The following TMEM132B variants were observed in gnomAD, a reference collection of about 807,000 sequenced individuals.
TMEM132B encodes the protein transmembrane protein 132B.
In TMEM132B, 18 loss-of-function variants were observed where a neutral mutation model predicts 90.8. The ratio of observed to expected loss-of-function variants is 0.20; its 90% confidence interval spans 0.14 to 0.29. The LOEUF is 0.29. Among genes scored for constraint, TMEM132B ranks in the 10% least tolerant of loss-of-function variants. TMEM132B has a pLI of 1.00. For synonymous variants in TMEM132B, 504 were observed against 523.3 expected (o/e 0.96, Z 0.50); for missense variants, 1,096 against 1,326.8 (o/e 0.83, Z 2.70).
chr12:125,468,953 G>T (rs1881642518), intron 3 of TMEM132B, among the ~76,000 whole-genome samples: 1 of 152,172 alleles, frequency 6.6e-6, no homozygotes, highest in Non-Finnish European at 1.5e-5. Flanking sequence ...TGCTGAATTA[G>T]TTTATTGGTC....
intron 1 of TMEM132B, among the ~76,000 whole-genome samples, chr12:125,207,168 A>G (rs769750145): frequency 6.6e-6 from 1 of 152,234 alleles, no homozygotes; most frequent in Non-Finnish European, 1.5e-5. Flanking sequence ...AAGATTTAAT[A>G]TGAAAATCTG....
rs566437478 is a variant in TMEM132B at position 125,273,510 on chromosome 12, C to T, written c.68-75942C>T. ...GCTGAGGTGAGAGGATCTCTTGAGC[C>T]TGGGAGGTTGAGGATGCAGTGATCC... On this transcript the variant is annotated intron_variant, in intron 1 of 8. Coordinates refer to ENST00000682704, the MANE Select transcript of TMEM132B (RefSeq NM_001366854.1). Among the ~76,000 whole-genome samples, 3 of 152,290 alleles carry T rather than the reference C, an allele frequency of 2.0e-5. No homozygotes were observed. In the South Asian group the frequency reaches 6.2e-4, roughly 32 times the overall value.
rs1433457222 is a variant in TMEM132B at position 125,277,474 on chromosome 12, G to C, written c.68-71978G>C. ...ATGTGGGCAACAAGAGCAAGACTCTGTCTCAAAAAAAAAAGATGAAGAGGG... is the reference window on the plus strand; with the variant it reads ...ATGTGGGCAACAAGAGCAAGACTCTCTCTCAAAAAAAAAAGATGAAGAGGG... On this transcript the variant is annotated intron_variant, in intron 1 of 8. Coordinates refer to ENST00000682704, the MANE Select transcript of TMEM132B (RefSeq NM_001366854.1). The surrounding 1 kb of genome is among the most constrained non-coding windows in gnomAD (Gnocchi z 4.3). Among the ~76,000 whole-genome samples the C allele has an allele frequency of 9.3e-6, 1 of 107,556 alleles. No individual in the cohort carries two copies. The highest frequency in any genetic ancestry group is 2.7e-4 in the East Asian group (1 of 3,672). 70.6% of individuals were successfully genotyped at this position (107,556 alleles called of 152,430 possible).
chr12:125,536,792 G>A (rs1883809864), intron 4 of TMEM132B, among the ~76,000 whole-genome samples: 2 of 152,008 alleles, frequency 1.3e-5, no homozygotes, highest in Admixed American at 1.3e-4. Context: ...CTGTGGATAT[G>A]TTTCCTCACA....
chr12:125,380,909 C>T (rs559045796), intron 2 of TMEM132B, among the ~76,000 whole-genome samples: 1 of 152,344 alleles, frequency 6.6e-6, no homozygotes, highest in African/African-American at 2.4e-5. Context: ...CCCTGCTGCA[C>T]TAATCTCAGT....
chr12:125,324,603 G>A (rs911105526), intron 1 of TMEM132B, among the ~76,000 whole-genome samples: 3 of 152,178 alleles, frequency 2.0e-5, no homozygotes, highest in Non-Finnish European at 4.4e-5. Flanking sequence ...GCCTCCTGTC[G>A]GATCAGCGGC....
intron 1 of TMEM132B, among the ~76,000 whole-genome samples, chr12:125,308,174 A>G (rs1056047776): frequency 3.0e-5 from 4 of 133,354 alleles, no homozygotes; most frequent in Non-Finnish European, 4.9e-5. Flanking sequence ...ATATATAGTT[A>G]TATATATGTG....
chr12:125,210,723 G>A (rs185532690), intron 1 of TMEM132B, among the ~76,000 whole-genome samples: 44 of 152,298 alleles, frequency 2.9e-4, no homozygotes, highest in Non-Finnish European at 5.3e-4. Flanking sequence ...CAGCACTTTG[G>A]GAGGCCGAGG....
At chr12:125,596,629 CA>C (rs1593012649) in intron 5 of TMEM132B, among the ~76,000 whole-genome samples, 1 of 152,228 alleles carries the variant, frequency 6.6e-6, no homozygotes, top group East Asian at 1.9e-4. Context: ...TCCAGTTTAA[CA>C]AGCCTTTTTT....
intron 3 of TMEM132B, among the ~76,000 whole-genome samples, chr12:125,416,942 G>A (rs888084848): frequency 6.6e-6 from 1 of 152,144 alleles, no homozygotes; most frequent in African/African-American, 2.4e-5. Flanking sequence ...CATTGCTTAG[G>A]TGCTTTCAGT....
chr12:125,261,278 T>C (rs1291869969), intron 1 of TMEM132B, among the ~76,000 whole-genome samples: 3 of 152,232 alleles, frequency 2.0e-5, no homozygotes, highest in Non-Finnish European at 4.4e-5. Flanking sequence ...CTCAGATCAC[T>C]GTTCATTGAC....
Position 125,510,655 on chromosome 12 carries a change from G to C in TMEM132B, c.1107-8784G>C, listed in dbSNP as rs80141600. ...CCAGCTTTATTAACTCTTGCTATTT[G>C]GCTTTATTTTCTTCAAATTTTAAAA... On this transcript the variant is annotated intron_variant, in intron 3 of 8. Coordinates refer to ENST00000682704, the MANE Select transcript of TMEM132B (RefSeq NM_001366854.1). 6.2e-3 allele frequency among the ~76,000 whole-genome samples: 938 copies of C among 152,024 alleles called. 8 individuals are homozygous for C. The highest frequency in any genetic ancestry group is 0.021 in the African/African-American group (880 of 41,434).
intron 5 of TMEM132B, among the ~76,000 whole-genome samples, chr12:125,637,898 T>C (rs775025687): frequency 1.3e-5 from 2 of 152,226 alleles, no homozygotes; most frequent in Non-Finnish European, 2.9e-5. Flanking sequence ...GATCTGTTTT[T>C]GGGGTGACAG....
chr12:125,208,489 T>G (rs1354764970), intron 1 of TMEM132B, among the ~76,000 whole-genome samples: 1 of 152,196 alleles, frequency 6.6e-6, no homozygotes, highest in East Asian at 1.9e-4. Flanking sequence ...CCATCTGCTT[T>G]GTGTCTCTCC....
intron 3 of TMEM132B, among the ~76,000 whole-genome samples, chr12:125,512,897 T>A (rs534920671): frequency 1.3e-5 from 2 of 152,260 alleles, no homozygotes; most frequent in Non-Finnish European, 2.9e-5. Flanking sequence ...AGACCTCTAG[T>A]CTGTTGAAGG....
At chr12:125,319,905 A>T (rs868428591) in intron 1 of TMEM132B, among the ~76,000 whole-genome samples, 7 of 151,960 alleles carry the variant, frequency 4.6e-5, no homozygotes, top group East Asian at 3.9e-4. Flanking sequence ...AGTTCCAGCC[A>T]CTTGGGAGGC....
chr12:125,458,819 A>T lies in TMEM132B; in HGVS notation c.1106+43142A>T, dbSNP rs2136466484. Among the ~76,000 whole-genome samples the T allele has an allele frequency of 6.6e-6, 1 of 152,294 alleles. No homozygotes were observed. The highest frequency in any genetic ancestry group is 6.5e-5 in the Admixed American group (1 of 15,298). ...TGTTGGGGTCCTGTACACAAAAGGC[A>T]CCACAACAGGAGAATGAGTCCTGTC... is the stretch of plus-strand genomic sequence containing the variant. On this transcript the variant is annotated intron_variant, in intron 3 of 8. Transcript: ENST00000682704. This position sits in a 1 kb window ranked among gnomAD's most constrained non-coding sequence, Gnocchi z 4.9.
chr12:125,393,711 C>T (rs747041770), intron 2 of TMEM132B, among the ~76,000 whole-genome samples: 1 of 152,082 alleles, frequency 6.6e-6, no homozygotes, highest in Non-Finnish European at 1.5e-5. Flanking sequence ...AGGAAGCCAG[C>T]CAGGAACAAG....
At position 125,535,947 on chromosome 12, in the gene TMEM132B, C is replaced by T. The variant is rs141435519; in HGVS notation, c.1293+16322C>T. Among the ~76,000 whole-genome samples, 936 of 152,328 alleles carry T rather than the reference C, an allele frequency of 6.1e-3. 6 individuals are homozygous for T. The highest frequency in any genetic ancestry group is 0.011 in the Non-Finnish European group (721 of 68,022). On this transcript the variant is annotated intron_variant, in intron 4 of 8. Transcript: ENST00000682704. ...ATGCCTCTACTCTGTGATTTTACAACCACATCAGACTTCTGTGACTGTGTC... is the reference window on the plus strand; with the variant it reads ...ATGCCTCTACTCTGTGATTTTACAATCACATCAGACTTCTGTGACTGTGTC...
Sources: allele counts gnomAD v4.1 joint callset (sites outside exome capture counted in the v4.1 genomes callset), GRCh38; gene constraint gnomAD v4.1.1; non-coding constraint Gnocchi (gnomAD v3.1); transcripts MANE v1.5; gene names NCBI Gene and HGNC (gene_info 2026-07-23, HGNC 2026-07-21).